Variants in PRTG observed in about 807,000 individuals in gnomAD.
The protein encoded by PRTG is immunoglobulin superfamily, DCC subclass, member 5.
A neutral mutation model predicts 122.5 loss-of-function variants in PRTG; 67 were observed. The observed-to-expected ratio is 0.55, with a 90% CI of 0.45 to 0.67. The LOEUF is 0.67. PRTG is among the 30% of genes least tolerant of loss of function. The pLI, the probability that PRTG is intolerant of heterozygous loss-of-function variation, is 0.00. For synonymous variants in PRTG, 554 were observed against 501.1 expected, an observed-to-expected ratio of 1.11 and a Z score of -1.41; for missense variants, 1,435 against 1,415.4, an observed-to-expected ratio of 1.01 and a Z score of -0.22.
rs1440218635 is a variant in PRTG, at chr15:55,613,180, G to C, written c.*6832C>G. 6.6e-6 allele frequency: 1 copy of C among 151,982 alleles called. No homozygotes were observed. The highest frequency in any genetic ancestry group is 2.4e-5 in the African/African-American group (1 of 41,400). The allele number at this position is 151,982 out of a possible 1,614,324, so 9.4% of individuals were successfully genotyped here. A position where few individuals can be genotyped will look rare whatever the true frequency, so the allele number is the denominator to read the frequency against. ...TCAAAATTGTCAAGATTAGAACTTA[G>C]GTGCTCCAAAGCCTAACTTATACTT... is the stretch of plus-strand genomic sequence containing the variant. On this transcript the variant is annotated 3_prime_UTR_variant, in exon 20 of 20. Coordinates refer to ENST00000389286, the MANE Select transcript of PRTG (RefSeq NM_173814.6).
chr15:55,722,631 T>C (rs1452641628), intron 2 of PRTG, among the ~76,000 whole-genome samples: 2 of 152,236 alleles, frequency 1.3e-5, no homozygotes, highest in Non-Finnish European at 2.9e-5. Flanking sequence ...AGGCTTGTAG[T>C]TTCCAGAGTA....
intron 2 of PRTG, among the ~76,000 whole-genome samples, chr15:55,695,474 G>T (rs924451427): frequency 9.9e-5 from 15 of 152,122 alleles, no homozygotes; most frequent in African/African-American, 3.6e-4. Context: ...CCTAACGCAG[G>T]GTTTTAAACG....
intron 2 of PRTG, among the ~76,000 whole-genome samples, chr15:55,696,819 C>T (rs979568123): frequency 3.3e-5 from 5 of 152,090 alleles, no homozygotes; most frequent in African/African-American, 1.2e-4. Context: ...ACTCTGACAA[C>T]CAGGTGCCAT....
At position 55,742,750 on chromosome 15, in the gene PRTG, C is replaced by A. The variant is rs2031654135; in HGVS notation, c.94+88G>T. On this transcript the variant is annotated intron_variant, in intron 1 of 19. Transcript: ENST00000389286. ...ACGGAGGACCCCGCCGCGCGCTCCCCACGCCCCATCGTTTCCTCTTTCCCC... is the reference window on the plus strand; with the variant it reads ...ACGGAGGACCCCGCCGCGCGCTCCCAACGCCCCATCGTTTCCTCTTTCCCC... 2.0e-6 allele frequency: 3 copies of A among 1,485,224 alleles called. No individual in the cohort carries two copies. In the East Asian group the frequency reaches 7.7e-5, roughly 38 times the overall value. 92.0% of individuals were successfully genotyped at this position (1,485,224 alleles called of 1,614,324 possible).
chr15:55,642,548 A>G (rs1373779354), intron 11 of PRTG, among the ~76,000 whole-genome samples: 3 of 151,306 alleles, frequency 2.0e-5, no homozygotes, highest in Non-Finnish European at 2.9e-5. Flanking sequence ...CAGTGAGCCA[A>G]TATTGTACCA....
At chr15:55,730,354 G>C in intron 2 of PRTG, among the ~76,000 whole-genome samples, 1 of 151,960 alleles carries the variant, frequency 6.6e-6, no homozygotes, top group East Asian at 1.9e-4. Context: ...CTCCCACCTC[G>C]GCCTCCCAAA....
At chr15:55,636,124 AT>A (rs1164400876) in intron 15 of PRTG, among the ~76,000 whole-genome samples, 2 of 151,852 alleles carry the variant, frequency 1.3e-5, no homozygotes, top group East Asian at 3.9e-4. Context: ...AAAAAAAAAA[AT>A]GCAAGATTTA....
At chr15:55,664,687 G>A (rs1046683446) in intron 11 of PRTG, among the ~76,000 whole-genome samples, 5 of 151,848 alleles carry the variant, frequency 3.3e-5, no homozygotes, top group African/African-American at 1.2e-4. Flanking sequence ...CCTGGACTCA[G>A]CTGATTCTCC....
chr15:55,638,821 CAATTT>C lies in PRTG; in HGVS notation c.2325-150_2325-146del, dbSNP rs1467869042. On this transcript the variant is annotated intron_variant, in intron 13 of 19. Transcript: ENST00000389286. ...ATGAAAAAATGTTTAGACTAAAGAA[CAATTT>C]AATTGGACTTTAAAAAATACTACAT... 1.0e-5 allele frequency: 7 copies of C among 675,864 alleles called. No individual in the cohort carries two copies. In the East Asian group the frequency reaches 2.1e-4, roughly 21 times the overall value. 41.9% of individuals were successfully genotyped at this position (675,864 alleles called of 1,614,324 possible).
intron 2 of PRTG, among the ~76,000 whole-genome samples, chr15:55,721,388 T>C (rs2030816761): frequency 6.6e-6 from 1 of 152,220 alleles, no homozygotes; most frequent in South Asian, 2.1e-4. Context: ...TCCAGGTTCG[T>C]TAACATGGTA....
At chr15:55,627,467 G>A (rs1239057403) in intron 16 of PRTG, among the ~76,000 whole-genome samples, 1 of 150,268 alleles carries the variant, frequency 6.7e-6, no homozygotes, top group African/African-American at 2.4e-5. Context: ...GGGACTACAG[G>A]CACCCACCAC....
At chr15:55,709,054 G>A (rs112377250) in intron 2 of PRTG, among the ~76,000 whole-genome samples, 14 of 148,478 alleles carry the variant, frequency 9.4e-5, no homozygotes, top group African/African-American at 3.5e-4. Flanking sequence ...GCTGAGGCAG[G>A]AGAATCACTT....
At chr15:55,648,429 ATC>A (rs1330890353) in intron 11 of PRTG, among the ~76,000 whole-genome samples, 1 of 152,200 alleles carries the variant, frequency 6.6e-6, no homozygotes, top group Non-Finnish European at 1.5e-5. Context: ...CATTAACTGT[ATC>A]TCTGTGCAAC....
In PRTG at chr15:55,620,237, G is replaced by C; in HGVS notation, c.3228C>G (p.Cys1076Trp). ...QPQRRFTPAVCFYQPGTTVLI... is the reference protein window; with the variant it reads ...QPQRRFTPAVWFYQPGTTVLI... The stretch of plus-strand genomic sequence containing the variant: ...ATACAGTGGTGCCTGGCTGGTAAAA[G>C]CAGACCGCTGGAGTAAATCTTCTTT... The change falls in exon 20 of 20, where the codon TGC (cysteine) becomes TGG (tryptophan). Residue 1076 changes from cysteine (C) to tryptophan (W), a missense_variant. Transcript: ENST00000389286. 1.2e-6 allele frequency: 2 copies of C among 1,614,156 alleles called. No homozygotes were observed. Among genetic ancestry groups the C allele is most frequent in the Non-Finnish European group, 1.7e-6 (2 of 1,180,022 alleles).
rs1003562278 is a variant in PRTG at position 55,616,329 on chromosome 15, T to C, written c.*3683A>G. On this transcript the variant is annotated 3_prime_UTR_variant, in exon 20 of 20. Transcript: ENST00000389286. Reference sequence around the variant, plus strand: ...TAGCCCACTTAAAGAATGACATGATTTGTTTGCCTCTTACATCCTTAGAGA... The same window carrying C: ...TAGCCCACTTAAAGAATGACATGATCTGTTTGCCTCTTACATCCTTAGAGA... 2.0e-5 allele frequency: 3 copies of C among 152,260 alleles called. No individual in the cohort carries two copies. The highest frequency in any genetic ancestry group is 4.4e-5 in the Non-Finnish European group (3 of 67,988). The allele number at this position is 152,260 out of a possible 1,614,324, so 9.4% of individuals were successfully genotyped here.
chr15:55,688,180 C>T (rs977355336), intron 2 of PRTG, among the ~76,000 whole-genome samples: 10 of 152,224 alleles, frequency 6.6e-5, no homozygotes, highest in Non-Finnish European at 1.2e-4. Context: ...TGGCTGTCTC[C>T]CCTTCTTCCT....
rs1263555070 is a variant in PRTG, at chr15:55,682,500, G to T, written c.543-3C>A. Reference sequence around the variant, plus strand: ...CTCCTGTTGGTAGGGCAGTTATCCTGTTATGAGAGAAAGATAATTAAACTT... The same window carrying T: ...CTCCTGTTGGTAGGGCAGTTATCCTTTTATGAGAGAAAGATAATTAAACTT... On this transcript the variant is annotated splice_polypyrimidine_tract_variant and splice_region_variant and intron_variant, in intron 3 of 19. Transcript: ENST00000389286. The T allele has an allele frequency of 1.4e-6, 2 of 1,443,250 alleles. No homozygotes were observed. The allele number at this position is 1,443,250 out of a possible 1,614,324, so 89.4% of individuals were successfully genotyped here.
chr15:55,723,673 G>C (rs2030913821), intron 2 of PRTG, among the ~76,000 whole-genome samples: 1 of 151,514 alleles, frequency 6.6e-6, no homozygotes, highest in African/African-American at 2.4e-5. Flanking sequence ...AGAAAATCTT[G>C]AAGGCAGCAA....
At chr15:55,665,067 G>T (rs2059431190) in intron 11 of PRTG, among the ~76,000 whole-genome samples, 1 of 151,676 alleles carries the variant, frequency 6.6e-6, no homozygotes, top group South Asian at 2.1e-4. Flanking sequence ...GACCATCCTG[G>T]CTAACACGGT....
Sources: allele counts gnomAD v4.1 joint callset (sites outside exome capture counted in the v4.1 genomes callset), GRCh38; gene constraint gnomAD v4.1.1; transcripts MANE v1.5; gene names NCBI Gene and HGNC (gene_info 2026-07-23, HGNC 2026-07-21).